Variants in UCKL1 observed in about 807,000 individuals in gnomAD.
UCKL1 encodes uridine-cytidine kinase 1 like 1.
UCKL1 carries 65 observed loss-of-function variants against 59.2 expected under a neutral mutation model. The observed-to-expected ratio is 1.10, with a 90% CI of 0.90 to 1.35. The LOEUF (loss-of-function observed/expected upper bound fraction) is 1.35, where lower values mean the gene tolerates loss of function less well. UCKL1 is among the 40% of genes most tolerant of loss of function. UCKL1 has a pLI of 0.00. For synonymous variants in UCKL1, 410 were observed against 323.1 expected (o/e 1.27, Z -2.88); for missense variants, 703 against 784.3 (o/e 0.90, Z 1.24).
chr20:63,940,274 C>T lies in UCKL1; in HGVS notation c.1443G>A (p.Leu481=). Residue 481 remains leucine (L), a synonymous_variant, in exon 14 of 15, where the codon TTG becomes TTA. Transcript: ENST00000354216. ...DHDVPEDKIF[L]LSLLMAEMGV... is the part of the protein sequence containing the mutation. ...CCATCTCTGCCATGAGCAGCGACAG[C>T]AAAAAGATCTTGTCCTCAGGCACGT... The T allele has an allele frequency of 6.2e-7, 1 of 1,612,712 alleles. No individual in the cohort carries two copies.
chr20:63,940,452 C>G lies in UCKL1; in HGVS notation c.1336G>C (p.Asp446His). 1 of 1,612,236 alleles carries G rather than the reference C, an allele frequency of 6.2e-7. No individual in the cohort carries two copies. Among genetic ancestry groups the G allele is most frequent in the Non-Finnish European group, 8.5e-7 (1 of 1,179,780 alleles). The change falls in exon 13 of 15, where the codon GAT (aspartate) becomes CAT (histidine). Residue 446 changes from aspartate to histidine, a missense_variant. Physicochemically the swap from Asp to His is moderately conservative, Grantham distance 81. This residue lies in a region of UCKL1 where 124 missense variants were observed against 161.1 expected (regional missense o/e 0.77). Coordinates refer to ENST00000354216, the MANE Select transcript of UCKL1 (RefSeq NM_017859.4). Reference protein sequence around the residue: ...HYLRLPKDISDDHVILMDCTV... With the variant: ...HYLRLPKDISHDHVILMDCTV... The stretch of plus-strand genomic sequence containing the variant: ...CAGTCCATGAGGATCACGTGGTCAT[C>G]GCTGATGTCCTTGGGCAGCCTCAGG...
chr20:63,946,369 G>C (rs2146538864), intron 2 of UCKL1, 84 bp downstream of exon 2: 1 of 1,526,766 alleles, frequency 6.5e-7, no homozygotes, highest in Non-Finnish European at 8.8e-7. Flanking sequence ...CGGTTGCCCG[G>C]CTTCCTTCTC....
rs775424039 is a variant in UCKL1, at chr20:63,945,783, C to T, written c.582+22G>A. On this transcript the variant is annotated intron_variant, in intron 4 of 14. Coordinates refer to ENST00000354216, the MANE Select transcript of UCKL1 (RefSeq NM_017859.4). ...ATGTGCCTGCAGCCCCCCGAGGCCC[C>T]CTCTGCAGGGCCCTGGCCTACCCAG... 1.9e-5 allele frequency: 30 copies of T among 1,613,108 alleles called. No homozygotes were observed. In the East Asian group the frequency reaches 3.6e-4, roughly 19 times the overall value.
intron 1 of UCKL1, among the ~76,000 whole-genome samples, chr20:63,952,865 A>ACT (rs1329404050): frequency 6.6e-6 from 1 of 152,250 alleles, no homozygotes; most frequent in Non-Finnish European, 1.5e-5. Context: ...AAGGACTAAC[A>ACT]GCAGGTTCAT....
chr20:63,943,621 T>G (rs758163044), intron 8 of UCKL1, 32 bp downstream of exon 8: 1 of 1,612,494 alleles, frequency 6.2e-7, no homozygotes, highest in Non-Finnish European at 8.5e-7. Flanking sequence ...TGGAAGTGCC[T>G]CCATCTGTGC....
rs764099193 is a variant in UCKL1 at position 63,943,678 on chromosome 20, G to A, written c.907-9C>T. 29 of 1,612,560 alleles carry A rather than the reference G, an allele frequency of 1.8e-5. No homozygotes were observed. The highest frequency in any genetic ancestry group is 2.5e-5 in the Non-Finnish European group (29 of 1,179,896). ...CTGACGCTGAGTTCACGCTGTGGCA[G>A]CAACACAGGAAGACACAAGGGAACG... On this transcript the variant is annotated splice_polypyrimidine_tract_variant and intron_variant, in intron 7 of 14. Transcript: ENST00000354216.
intron 7 of UCKL1, 33 bp from the exon 8 acceptor site, chr20:63,943,702 C>G (rs367563140): frequency 6.2e-7 from 1 of 1,612,126 alleles, no homozygotes; most frequent in Non-Finnish European, 8.5e-7. Context: ...CACAAGGGAA[C>G]GGTGGCGCGT....
chr20:63,941,174 GC>G lies in UCKL1; in HGVS notation c.957del (p.Leu320CysfsTer5). 1 of 1,573,524 alleles carries G rather than the reference GC, an allele frequency of 6.4e-7. No homozygotes were observed. The highest frequency in any genetic ancestry group is 8.6e-7 in the Non-Finnish European group (1 of 1,165,692). ...TTCAGGACGCTCAGCGTCCGGGGCA[GC>G]GGGTGGCACTGGTGTGCCGAGGCCA... ...AALASAHQCH[P>X]LPRTLSVLKS... is the part of the protein sequence containing the mutation. On this transcript the variant is annotated frameshift_variant, in exon 9 of 15. Coordinates refer to ENST00000354216, the MANE Select transcript of UCKL1 (RefSeq NM_017859.4). LOFTEE classifies it high-confidence loss of function.
chr20:63,952,638 C>T (rs2057837507), intron 1 of UCKL1, among the ~76,000 whole-genome samples: 1 of 152,258 alleles, frequency 6.6e-6, no homozygotes, highest in South Asian at 2.1e-4. Context: ...GGTGCTGATG[C>T]CGCGCTGGGG....
At position 63,940,224 on chromosome 20, in the gene UCKL1, A is replaced by C. The variant is rs2053999519; in HGVS notation, c.1493T>G (p.Phe498Cys). The C allele has an allele frequency of 1.2e-6, 2 of 1,612,796 alleles. No homozygotes were observed. Among genetic ancestry groups the C allele is most frequent in the Non-Finnish European group, 1.7e-6 (2 of 1,179,994 alleles). The change falls in exon 14 of 15, where the codon TTT becomes TGT. Residue 498 changes from phenylalanine (F) to cysteine (C), a missense_variant. Around this residue, in one of 4 missense-constraint regions of UCKL1, gnomAD observed 124 missense variants for 161.1 expected, o/e 0.77. Transcript: ENST00000354216. Reference sequence around the variant, plus strand: ...CGTGGTGATGATTCTCACTCGCGGAAATGCATAGGCCACTGAGTGCACGCC... The same window carrying C: ...CGTGGTGATGATTCTCACTCGCGGACATGCATAGGCCACTGAGTGCACGCC... Reference protein sequence around the residue: ...EMGVHSVAYAFPRVRIITTAV... With the variant: ...EMGVHSVAYACPRVRIITTAV...
In UCKL1 at chr20:63,940,876, G is replaced by T. The variant is rs373686960; in HGVS notation, c.1117-20C>A. On this transcript the variant is annotated intron_variant, in intron 10 of 14. Transcript: ENST00000354216. ...GCAGTCCTGTGGGGTGCAGGGTGAG[G>T]ACTCCGGTGAGCGCAGGGAGCTCGC... 2 of 1,529,494 alleles carry T rather than the reference G, an allele frequency of 1.3e-6. No homozygotes were observed. The highest frequency in any genetic ancestry group is 1.8e-6 in the Non-Finnish European group (2 of 1,137,758). 94.7% of individuals were successfully genotyped at this position (1,529,494 alleles called of 1,614,324 possible).
At position 63,940,069 on chromosome 20, in the gene UCKL1, G is replaced by A; in HGVS notation, c.1568-14C>T. Reference sequence around the variant, plus strand: ...CGCCAAAGTTCCCTGGAAAAAGGGGGGGGGGGGTCCAGTGTGGTGGGGCCT... The same window carrying A: ...CGCCAAAGTTCCCTGGAAAAAGGGGAGGGGGGGTCCAGTGTGGTGGGGCCT... On this transcript the variant is annotated splice_polypyrimidine_tract_variant and intron_variant, in intron 14 of 14. Transcript: ENST00000354216. 1 of 1,607,030 alleles carries A rather than the reference G, an allele frequency of 6.2e-7. No homozygotes were observed.
chr20:63,940,787 C>T lies in UCKL1; in HGVS notation c.1179+7G>A, dbSNP rs763494432. 3.1e-6 allele frequency: 5 copies of T among 1,593,352 alleles called. No individual in the cohort carries two copies. The highest frequency in any genetic ancestry group is 3.4e-6 in the Non-Finnish European group (4 of 1,171,280). On this transcript the variant is annotated splice_region_variant and intron_variant, in intron 11 of 14. Transcript: ENST00000354216. Reference sequence around the variant, plus strand: ...TGTCCCGCGCCCAGGTGTGCCCAGGCAGGTACCTGCTTCCCCGCATAGCAC... The same window carrying T: ...TGTCCCGCGCCCAGGTGTGCCCAGGTAGGTACCTGCTTCCCCGCATAGCAC...
intron 1 of UCKL1, chr20:63,955,234 AGAGT>A (rs1254622082): frequency 2.0e-5 from 3 of 152,298 alleles, no homozygotes; most frequent in African/African-American, 7.2e-5. Context: ...CCTGGGCGAC[AGAGT>A]GAGACTCCAT....
chr20:63,940,448 T>G lies in UCKL1; in HGVS notation c.1340A>C (p.Asp447Ala), dbSNP rs1163241746. ...YLRLPKDISD[D>A]HVILMDCTVS... ...GGTGCAGTCCATGAGGATCACGTGG[T>G]CATCGCTGATGTCCTTGGGCAGCCT... The change falls in exon 13 of 15, where the codon GAC (aspartate) becomes GCC (alanine). Residue 447 changes from aspartate (D) to alanine (A), a missense_variant. This residue lies in a region of UCKL1 where 124 missense variants were observed against 161.1 expected (regional missense o/e 0.77). Coordinates refer to ENST00000354216, the MANE Select transcript of UCKL1 (RefSeq NM_017859.4). 2 of 1,612,282 alleles carry G rather than the reference T, an allele frequency of 1.2e-6. No individual in the cohort carries two copies. Among genetic ancestry groups the G allele is most frequent in the Admixed American group, 3.3e-5 (2 of 59,998 alleles).
intron 1 of UCKL1, among the ~76,000 whole-genome samples, chr20:63,949,295 G>A (rs997360204): frequency 2.0e-5 from 3 of 152,174 alleles, no homozygotes; most frequent in Non-Finnish European, 2.9e-5. Context: ...AGGGCGGCCC[G>A]GGGGACAGCA....
intron 8 of UCKL1, chr20:63,941,499 G>C: frequency 2.2e-6 from 1 of 452,932 alleles, no homozygotes; most frequent in Non-Finnish European, 4.2e-6. Context: ...CCCCTCCTGC[G>C]CTAAGAGGAA....
chr20:63,943,301 CAT>C (rs2055175521), intron 8 of UCKL1, among the ~76,000 whole-genome samples: 1 of 152,216 alleles, frequency 6.6e-6, no homozygotes, highest in African/African-American at 2.4e-5. Flanking sequence ...GCTGCTGGGA[CAT>C]GTCTGTAGTC....
At position 63,956,322 on chromosome 20, in the gene UCKL1, T is replaced by C; in HGVS notation, c.51A>G (p.Pro17=). The change falls in exon 1 of 15, where the codon CCA becomes CCG. Residue 17 remains proline (P), a synonymous_variant. Coordinates refer to ENST00000354216, the MANE Select transcript of UCKL1 (RefSeq NM_017859.4). ...RADADPSPTS[P]PTARDTPGRQ... is the part of the protein sequence containing the mutation. ...GGCCTGGTGTGTCTCGGGCCGTAGG[T>C]GGCGACGTGGGCGAAGGATCAGCGT... The C allele has an allele frequency of 6.4e-7, 1 of 1,554,262 alleles. No homozygotes were observed. Among genetic ancestry groups the C allele is most frequent in the Non-Finnish European group, 8.7e-7 (1 of 1,153,818 alleles).
Sources: gnomAD v4.1 joint callset for allele counts (sites outside exome capture counted in the v4.1 genomes callset) on GRCh38, gnomAD v4.1.1 for gene constraint, gnomAD v4.1.1 regional missense constraint, MANE v1.5 for transcripts, NCBI Gene and HGNC (gene_info 2026-07-23, HGNC 2026-07-21) for gene names.